The following STK32B variants were observed in gnomAD, a reference collection of about 807,000 sequenced individuals.
The protein encoded by STK32B is serine/threonine-protein kinase 32B.
A neutral mutation model predicts 52.6 loss-of-function variants in STK32B; 43 were observed. That is an observed-to-expected ratio of 0.82 (90% CI 0.64 to 1.05). STK32B has a LOEUF of 1.05. STK32B is among the 50% of genes least tolerant of loss of function. The pLI is 0.00. For missense variants in STK32B, 621 were observed against 534.6 expected, an observed-to-expected ratio of 1.16 and a Z score of -1.59; for synonymous variants, 238 against 204.3, an observed-to-expected ratio of 1.17 and a Z score of -1.41.
intron 1 of STK32B, among the ~76,000 whole-genome samples, chr4:5,073,937 G>T (rs1452838385): frequency 6.6e-6 from 1 of 151,674 alleles, no homozygotes; most frequent in Non-Finnish European, 1.5e-5. Flanking sequence ...TCAAGATGTG[G>T]TTTTCTTTCC....
At chr4:5,233,235 C>T (rs1724396752) in intron 3 of STK32B, among the ~76,000 whole-genome samples, 1 of 152,100 alleles carries the variant, frequency 6.6e-6, no homozygotes, top group African/African-American at 2.4e-5. Context: ...AAGTTGGGGA[C>T]CACTGACTTA....
At chr4:5,477,201 CTAT>C (rs755245389) in intron 11 of STK32B, among the ~76,000 whole-genome samples, 1 of 152,090 alleles carries the variant, frequency 6.6e-6, no homozygotes, top group Non-Finnish European at 1.5e-5. Context: ...TTAAGCATGG[CTAT>C]TATTATCAGT....
chr4:5,182,222 T>A (rs1246497362), intron 3 of STK32B, among the ~76,000 whole-genome samples: 8 of 152,190 alleles, frequency 5.3e-5, no homozygotes, highest in Non-Finnish European at 8.8e-5. Context: ...TTACACCACA[T>A]CTGCAGTAAC....
intron 2 of STK32B, among the ~76,000 whole-genome samples, chr4:5,152,258 A>G (rs79816976): frequency 0.037 from 5,694 of 152,320 alleles, 166 homozygotes; most frequent in East Asian, 0.086. Context: ...GTGAAGGTTG[A>G]GATTAAGGTG....
At chr4:5,145,875 A>G (rs1305018677) in intron 2 of STK32B, among the ~76,000 whole-genome samples, 2 of 152,146 alleles carry the variant, frequency 1.3e-5, no homozygotes, top group Admixed American at 1.3e-4. Context: ...TTTTGCTTTT[A>G]GGGCCATTGT....
At chr4:5,317,981 G>A (rs918752375) in intron 3 of STK32B, among the ~76,000 whole-genome samples, 1 of 152,130 alleles carries the variant, frequency 6.6e-6, no homozygotes, top group Non-Finnish European at 1.5e-5. Flanking sequence ...ACTCTGAGGT[G>A]AGGCCAGCAA....
intron 1 of STK32B, among the ~76,000 whole-genome samples, chr4:5,062,256 C>G (rs1480471304): frequency 6.6e-6 from 1 of 152,166 alleles, no homozygotes; most frequent in African/African-American, 2.4e-5. Flanking sequence ...TTCCTCAAAT[C>G]ACTACATCTA....
chr4:5,464,337 G>C (rs1309342626), intron 9 of STK32B, among the ~76,000 whole-genome samples: 1 of 152,200 alleles, frequency 6.6e-6, no homozygotes, highest in African/African-American at 2.4e-5. Context: ...CCTCCTCTGG[G>C]ACATTCCCAG....
At chr4:5,302,358 T>C (rs1206702944) in intron 3 of STK32B, among the ~76,000 whole-genome samples, 1 of 152,064 alleles carries the variant, frequency 6.6e-6, no homozygotes, top group African/African-American at 2.4e-5. Context: ...ATTATTATTA[T>C]TAGTTCTTTT....
chr4:5,475,424 CAAAAAAAAAA>C (rs34219344), intron 11 of STK32B, among the ~76,000 whole-genome samples: 1 of 56,946 alleles, frequency 1.8e-5, no homozygotes, highest in African/African-American at 7.8e-5. Flanking sequence ...GACTCCATCT[CAAAAAAAAAA>C]AAAAAAAAAG....
At chr4:5,141,448 G>A (rs1006522578) in intron 2 of STK32B, among the ~76,000 whole-genome samples, 6 of 152,192 alleles carry the variant, frequency 3.9e-5, no homozygotes, top group African/African-American at 9.7e-5. Flanking sequence ...TGAAGTCGGC[G>A]AGGCCCAGGT....
At chr4:5,390,664 T>C (rs148196339) in intron 4 of STK32B, among the ~76,000 whole-genome samples, 70 of 152,120 alleles carry the variant, frequency 4.6e-4, no homozygotes, top group African/African-American at 1.6e-3. Flanking sequence ...TATCAGGACA[T>C]AGGAAAGCAG....
At chr4:5,334,919 G>T (rs147924446) in intron 4 of STK32B, among the ~76,000 whole-genome samples, 2 of 151,922 alleles carry the variant, frequency 1.3e-5, no homozygotes, top group Non-Finnish European at 2.9e-5. Flanking sequence ...GTTCATCAAG[G>T]ATATTGGTCT....
intron 7 of STK32B, among the ~76,000 whole-genome samples, chr4:5,454,920 A>AT (rs1184197822): frequency 6.6e-6 from 1 of 152,226 alleles, no homozygotes; most frequent in African/African-American, 2.4e-5. Flanking sequence ...AGATTAAAAA[A>AT]AATTGAAGAA....
chr4:5,499,250 C>A lies in STK32B; in HGVS notation c.*167C>A. 1.1e-6 allele frequency: 1 copy of A among 944,436 alleles called. No individual in the cohort carries two copies. The highest frequency in any genetic ancestry group is 1.5e-6 in the Non-Finnish European group (1 of 679,000). The allele number at this position is 944,436 out of a possible 1,614,324, so 58.5% of individuals were successfully genotyped here. ...CTGGGTTCTGGTCCCATCTCCATGA[C>A]TGATTCACGTGTGACCTCAGACAAG... On this transcript the variant is annotated 3_prime_UTR_variant, in exon 12 of 12. Transcript: ENST00000282908.
At chr4:5,076,798 C>G (rs13118789) in intron 1 of STK32B, among the ~76,000 whole-genome samples, 24,697 of 152,146 alleles carry the variant, frequency 0.16, 2,306 homozygotes, top group Non-Finnish European at 0.21. Flanking sequence ...CCACAATTTC[C>G]AGAGTAGATA....
At position 5,317,177 on chromosome 4, in the gene STK32B, A is replaced by ATATTATATATAAC. The variant is rs1553871612; in HGVS notation, c.261-14043_261-14042insTATTATATATAAC. Among the ~76,000 whole-genome samples the ATATTATATATAAC allele has an allele frequency of 4.7e-4, 22 of 46,532 alleles. 4 individuals are homozygous for ATATTATATATAAC. In the African/African-American group the frequency reaches 5.7e-3, roughly 12 times the overall value. 30.5% of individuals were successfully genotyped at this position (46,532 alleles called of 152,430 possible). A position where few individuals can be genotyped will look rare whatever the true frequency, so the allele number is the denominator to read the frequency against. Reference sequence around the variant, plus strand: ...TACATATTACATATATATAACATATAATATATATATATAACATATATATAT... The same window carrying ATATTATATATAAC: ...TACATATTACATATATATAACATATATATTATATATAACATATATATATATAACATATATATAT... On this transcript the variant is annotated intron_variant, in intron 3 of 11. Transcript: ENST00000282908.
At chr4:5,302,805 T>C (rs1729651543) in intron 3 of STK32B, among the ~76,000 whole-genome samples, 1 of 149,356 alleles carries the variant, frequency 6.7e-6, no homozygotes, top group African/African-American at 2.4e-5. Context: ...TTCTTATTCC[T>C]TTGCATCCTC....
intron 4 of STK32B, among the ~76,000 whole-genome samples, chr4:5,357,710 T>G (rs1038397759): frequency 8.1e-6 from 1 of 123,946 alleles, no homozygotes; most frequent in African/African-American, 3.5e-5. Context: ...AGTTTCACTT[T>G]CTGGTGTTAG....
Sources: gnomAD v4.1 joint callset for allele counts (sites outside exome capture counted in the v4.1 genomes callset) on GRCh38, gnomAD v4.1.1 for gene constraint, MANE v1.5 for transcripts, NCBI Gene and HGNC (gene_info 2026-07-23, HGNC 2026-07-21) for gene names.